Variants in NOL6 observed in about 807,000 individuals in gnomAD.
The protein encoded by NOL6 is nucleolar protein 6, also known as nucleolar RNA-associated protein.
A neutral mutation model predicts 131.7 loss-of-function variants in NOL6; 33 were observed. The observed-to-expected ratio is 0.25, with a 90% CI of 0.19 to 0.33. The LOEUF (loss-of-function observed/expected upper bound fraction) is 0.33. NOL6 is among the 10% of genes least tolerant of loss of function. NOL6 has a pLI of 1.00. For missense variants in NOL6, 1,297 were observed against 1,494.5 expected (o/e 0.87, Z 2.18); for synonymous variants, 580 against 605.7 (o/e 0.96, Z 0.62).
chr9:33,469,855 AG>A (rs1037897165), intron 4 of NOL6, 156 bp downstream of exon 4: 1 of 1,007,098 alleles, frequency 9.9e-7, no homozygotes, highest in Non-Finnish European at 1.4e-6. Context: ...AACTGGCCCG[AG>A]GGATCTAAGC....
Position 33,468,510 on chromosome 9 carries a change from A to G in NOL6, c.1204T>C (p.Leu402=). 3 of 1,614,060 alleles carry G rather than the reference A, an allele frequency of 1.9e-6. No homozygotes were observed. The highest frequency in any genetic ancestry group is 2.2e-5 in the South Asian group (2 of 91,076). Reference sequence around the variant, plus strand: ...GACCTGGCCCTTCCCCAACTCACCAAAGAGGGATCTGAGCTGAGACATAAA... The same window carrying G: ...GACCTGGCCCTTCCCCAACTCACCAGAGAGGGATCTGAGCTGAGACATAAA... ...ISLCLSSDPS[L]PALADFHQAF... The change falls in exon 9 of 26, where the codon TTG becomes CTG. Residue 402 remains leucine (L), a splice_region_variant and synonymous_variant. Coordinates refer to ENST00000297990, the MANE Select transcript of NOL6 (RefSeq NM_022917.5).
Position 33,469,256 on chromosome 9 carries a change from C to T in NOL6, c.813G>A (p.Lys271=). 1 of 1,614,204 alleles carries T rather than the reference C, an allele frequency of 6.2e-7. No homozygotes were observed. Among genetic ancestry groups the T allele is most frequent in the South Asian group, 1.1e-5 (1 of 91,086 alleles). The change falls in exon 6 of 26, where the codon AAG becomes AAA. Residue 271 remains lysine (K), a synonymous_variant. Transcript: ENST00000297990. ...FFRPCRLLPT[K]NNVRSAWYRG... is the part of the protein sequence containing the mutation. ...GGTACCAGGCAGAGCGCACATTGTT[C>T]TTGGTTGGCAGCAAGCGGCACGGGC...
chr9:33,462,811 G>A lies in NOL6; in HGVS notation c.3294C>T (p.Ala1098=). Residue 1098 remains alanine, a splice_region_variant and synonymous_variant, in exon 26 of 26, where the codon GCC becomes GCT. Coordinates refer to ENST00000297990, the MANE Select transcript of NOL6 (RefSeq NM_022917.5). ...PTSFQPQPFK[A]SSTKGRMVMS... The stretch of plus-strand genomic sequence containing the variant: ...TCACCATGCGCCCCTTTGTGCTGGA[G>A]GCCTGGGGAAATCAGAGAAGAGATG... The A allele has an allele frequency of 6.2e-7, 1 of 1,614,036 alleles. No homozygotes were observed. The highest frequency in any genetic ancestry group is 8.5e-7 in the Non-Finnish European group (1 of 1,179,984).
At position 33,467,544 on chromosome 9, in the gene NOL6, G is replaced by T; in HGVS notation, c.1603-28C>A. The T allele has an allele frequency of 6.2e-7, 1 of 1,612,740 alleles. No individual in the cohort carries two copies. The highest frequency in any genetic ancestry group is 8.5e-7 in the Non-Finnish European group (1 of 1,179,004). On this transcript the variant is annotated intron_variant, in intron 12 of 25. Transcript: ENST00000297990. This position sits in a 1 kb window ranked among gnomAD's most constrained non-coding sequence, Gnocchi z 4.4. ...GCAGGATTTCAAAAGGCTGAGCTCAGTCCTCCAATCCTCCAGCCTGGCCTA... is the reference window on the plus strand; with the variant it reads ...GCAGGATTTCAAAAGGCTGAGCTCATTCCTCCAATCCTCCAGCCTGGCCTA...
At chr9:33,463,614 A>G (rs956895091) in intron 23 of NOL6, among the ~76,000 whole-genome samples, 173 bp from the exon 24 acceptor site, 3 of 152,198 alleles carry the variant, frequency 2.0e-5, no homozygotes, top group Non-Finnish European at 4.4e-5. Context: ...CAGCTGTTGC[A>G]TAGCCCGGCA....
At position 33,472,130 on chromosome 9, in the gene NOL6, A is replaced by T; in HGVS notation, c.262-10T>A. 6.2e-7 allele frequency: 1 copy of T among 1,612,286 alleles called. No homozygotes were observed. Among genetic ancestry groups the T allele is most frequent in the Non-Finnish European group, 8.5e-7 (1 of 1,178,334 alleles). ...TTAGTAGCTCCTCTACCTGTAAGAG[A>T]GGGTAGAAGACAGTCCATCAGCCTC... is the stretch of plus-strand genomic sequence containing the variant. On this transcript the variant is annotated splice_polypyrimidine_tract_variant and intron_variant, in intron 2 of 25. Transcript: ENST00000297990.
At position 33,472,736 on chromosome 9, in the gene NOL6, G is replaced by A. The variant is rs536016190; in HGVS notation, c.55-324C>T. On this transcript the variant is annotated intron_variant, in intron 1 of 25. Coordinates refer to ENST00000297990, the MANE Select transcript of NOL6 (RefSeq NM_022917.5). Reference sequence around the variant, plus strand: ...GCCTGTAATCCCAGCAGTTTGGGAGGTGGAGCTGGGCGGATCAGCTGAAGT... The same window carrying A: ...GCCTGTAATCCCAGCAGTTTGGGAGATGGAGCTGGGCGGATCAGCTGAAGT... 283 of 392,490 alleles carry A rather than the reference G, an allele frequency of 7.2e-4. 4 individuals are homozygous for A. The highest frequency in any genetic ancestry group is 6.7e-3 in the South Asian group (275 of 40,958). The allele number at this position is 392,490 out of a possible 1,614,324, so 24.3% of individuals were successfully genotyped here. A position where few individuals can be genotyped will look rare whatever the true frequency, so the allele number is the denominator to read the frequency against.
chr9:33,465,066 G>T (rs563780245), intron 20 of NOL6, 90 bp from the exon 21 acceptor site: 2 of 1,437,562 alleles, frequency 1.4e-6, no homozygotes, highest in Non-Finnish European at 1.9e-6. Context: ...CCCTGGTGTG[G>T]ATTGGCAGGG....
chr9:33,464,812 G>A lies in NOL6; in HGVS notation c.2779+67C>T, dbSNP rs182711386. 1.5e-3 allele frequency: 1,754 copies of A among 1,192,600 alleles called. 30 individuals are homozygous for A. In the African/African-American group the frequency reaches 0.023, roughly 15 times the overall value. 73.9% of individuals were successfully genotyped at this position (1,192,600 alleles called of 1,614,324 possible). ...ACAGAGAAAACCTAACACTGCCAGG[G>A]AAACCCTTGCCTGCAATCCATAAAG... On this transcript the variant is annotated intron_variant, in intron 21 of 25. Transcript: ENST00000297990.
intron 3 of NOL6, among the ~76,000 whole-genome samples, chr9:33,471,293 A>G (rs1242252640): frequency 6.6e-6 from 1 of 152,246 alleles, no homozygotes; most frequent in Non-Finnish European, 1.5e-5. Flanking sequence ...TGAACTTTTA[A>G]AAGTTAGAGG....
chr9:33,467,665 A>G lies in NOL6; in HGVS notation c.1602+26T>C. On this transcript the variant is annotated intron_variant, in intron 12 of 25. Transcript: ENST00000297990. This position sits in a 1 kb window ranked among gnomAD's most constrained non-coding sequence, Gnocchi z 4.4. ...CCTGGATCCAGCCCAACTCAGACCC[A>G]AACTCCCCAACCTACACCACCTCAC... The G allele has an allele frequency of 6.5e-7, 1 of 1,544,998 alleles. No individual in the cohort carries two copies.
At position 33,462,756 on chromosome 9, in the gene NOL6, G is replaced by T. The variant is rs778776704; in HGVS notation, c.3349C>A (p.Pro1117Thr). 18 of 1,614,012 alleles carry T rather than the reference G, an allele frequency of 1.1e-5. No homozygotes were observed. The highest frequency in any genetic ancestry group is 1.4e-5 in the Non-Finnish European group (17 of 1,180,032). The change falls in exon 26 of 26, where the codon CCC becomes ACC. Residue 1117 changes from proline (P) to threonine (T), a missense_variant. Pro to Thr is a conservative substitution (Grantham distance 38). Transcript: ENST00000297990. ...MSRGGELVMV[P>T]NVEAILEDFA... ...TCCTCCAGGATTGCTTCAACATTGG[G>T]CACCATTACTAGCTCCCCACCTCGA...
chr9:33,466,774 C>G, intron 15 of NOL6, 65 bp from the exon 16 acceptor site: 3 of 1,595,786 alleles, frequency 1.9e-6, no homozygotes, highest in South Asian at 1.1e-5. Context: ...TGGATTCTGC[C>G]CCAGCTCAGG....
rs748676357 is a variant in NOL6, at chr9:33,463,817, G to A, written c.2994+14C>T. On this transcript the variant is annotated intron_variant, in intron 23 of 25. Coordinates refer to ENST00000297990, the MANE Select transcript of NOL6 (RefSeq NM_022917.5). The stretch of plus-strand genomic sequence containing the variant: ...CCCCAGAGGCCCTGGAGTCACTGCT[G>A]GTCAGAAGCTTACCCTGATGTCCCC... 4.3e-6 allele frequency: 7 copies of A among 1,613,334 alleles called. No individual in the cohort carries two copies. In the East Asian group the frequency reaches 1.1e-4, roughly 26 times the overall value.
At chr9:33,464,692 C>T (rs1170632415) in intron 21 of NOL6, among the ~76,000 whole-genome samples, 187 bp downstream of exon 21, 1 of 152,178 alleles carries the variant, frequency 6.6e-6, no homozygotes, top group African/African-American at 2.4e-5. Context: ...ATCATTCTGT[C>T]TCTGACAATT....
intron 15 of NOL6, 76 bp downstream of exon 15, chr9:33,466,836 T>C: frequency 6.3e-7 from 1 of 1,576,408 alleles, no homozygotes; most frequent in East Asian, 2.2e-5. Context: ...AAGTGCAAGC[T>C]GGCCAAGGCT....
rs756997613 is a variant in NOL6, at chr9:33,472,099, C to T, written c.283G>A (p.Val95Ile). ...RLQVEELLKE[V>I]RLSEKKKDRI... ...TCCTTCTTCTTCTCTGACAGCCTTA[C>T]TTCCTTTAGTAGCTCCTCTACCTGT... The change falls in exon 3 of 26, where the codon GTA becomes ATA. Residue 95 changes from valine (V) to isoleucine (I), a missense_variant. Transcript: ENST00000297990. The T allele has an allele frequency of 6.2e-7, 1 of 1,614,218 alleles. No individual in the cohort carries two copies. Among genetic ancestry groups the T allele is most frequent in the South Asian group, 1.1e-5 (1 of 91,090 alleles).
rs1260058159 is a variant in NOL6, at chr9:33,467,364, C to T, written c.1725+30G>A. ...TGCCATGAGGACGAGCCACCCCATT[C>T]CTTCCAGTGTACATGCTGGGGTCCC... On this transcript the variant is annotated intron_variant, in intron 13 of 25. Coordinates refer to ENST00000297990, the MANE Select transcript of NOL6 (RefSeq NM_022917.5). The surrounding 1 kb of genome is among the most constrained non-coding windows in gnomAD (Gnocchi z 4.4). 6 of 1,612,324 alleles carry T rather than the reference C, an allele frequency of 3.7e-6. No individual in the cohort carries two copies. The highest frequency in any genetic ancestry group is 5.1e-6 in the Non-Finnish European group (6 of 1,178,592).
chr9:33,463,149 A>G lies in NOL6; in HGVS notation c.3190-15T>C. The G allele has an allele frequency of 6.2e-7, 1 of 1,611,196 alleles. No homozygotes were observed. Among genetic ancestry groups the G allele is most frequent in the East Asian group, 2.2e-5 (1 of 44,778 alleles). ...CCAAAGGCCTCCTAGAAAGGGACAGAACAGAGAAGATTATAGGCAGGCATT... is the reference window on the plus strand; with the variant it reads ...CCAAAGGCCTCCTAGAAAGGGACAGGACAGAGAAGATTATAGGCAGGCATT... On this transcript the variant is annotated splice_polypyrimidine_tract_variant and intron_variant, in intron 24 of 25. Coordinates refer to ENST00000297990, the MANE Select transcript of NOL6 (RefSeq NM_022917.5).
Sources: gnomAD v4.1 joint callset for allele counts (sites outside exome capture counted in the v4.1 genomes callset) on GRCh38, gnomAD v4.1.1 for gene constraint, Gnocchi (gnomAD v3.1) non-coding constraint, MANE v1.5 for transcripts, NCBI Gene and HGNC (gene_info 2026-07-23, HGNC 2026-07-21) for gene names.